Variants in PDE4D observed in about 807,000 individuals in gnomAD.
PDE4D encodes phosphodiesterase 4D.
A neutral mutation model predicts 87.4 loss-of-function variants in PDE4D; 24 were observed. The observed-to-expected ratio is 0.27, with a 90% confidence interval of 0.20 to 0.39. The LOEUF is 0.39. PDE4D is among the 10% of genes least tolerant of loss of function. The pLI is 1.00. For missense variants in PDE4D, 714 were observed against 1,041.0 expected (o/e 0.69, Z 4.32); for synonymous variants, 384 against 383.2 (o/e 1.00, Z -0.02).
chr5:60,234,788 G>A (rs1253431867), intron 1 of PDE4D, among the ~76,000 whole-genome samples: 1 of 151,800 alleles, frequency 6.6e-6, no homozygotes, highest in East Asian at 1.9e-4. Flanking sequence ...TATCTTTCCA[G>A]AAATTTGTAC....
chr5:60,204,801 T>C (rs1462994148), intron 1 of PDE4D, among the ~76,000 whole-genome samples: 1 of 152,214 alleles, frequency 6.6e-6, no homozygotes. Context: ...GATTAAGATG[T>C]CTATTCTACC....
At chr5:60,280,769 A>G (rs1583294160) in intron 1 of PDE4D, among the ~76,000 whole-genome samples, 1 of 152,214 alleles carries the variant, frequency 6.6e-6, no homozygotes, top group Non-Finnish European at 1.5e-5. Context: ...GTTGGTAAAC[A>G]TAAATAATAT....
chr5:59,618,972 T>G (rs1030998940), intron 1 of PDE4D, among the ~76,000 whole-genome samples: 1 of 152,108 alleles, frequency 6.6e-6, no homozygotes, highest in Non-Finnish European at 1.5e-5. Flanking sequence ...CTGTAAGAAA[T>G]GAGTTTCTGT....
chr5:60,257,911 G>A (rs1013358658), intron 1 of PDE4D, among the ~76,000 whole-genome samples: 11 of 151,918 alleles, frequency 7.2e-5, no homozygotes, highest in African/African-American at 2.4e-4. Flanking sequence ...AAACCATAGC[G>A]AGCTGTTGCG....
At chr5:59,067,031 T>G (rs1358491111) in intron 5 of PDE4D, among the ~76,000 whole-genome samples, 6 of 138,724 alleles carry the variant, frequency 4.3e-5, no homozygotes, top group African/African-American at 5.3e-5. Context: ...TTTATTTATT[T>G]AGAGAGAGAG....
chr5:60,502,446 A>C (rs1750127113), intron 1 of PDE4D, among the ~76,000 whole-genome samples: 1 of 152,200 alleles, frequency 6.6e-6, no homozygotes, highest in Non-Finnish European at 1.5e-5. Flanking sequence ...TGATGCCTCC[A>C]GCTTTGTTCT....
chr5:59,030,441 A>C (rs2153383930), intron 6 of PDE4D, among the ~76,000 whole-genome samples: 3 of 151,178 alleles, frequency 2.0e-5, no homozygotes, highest in Middle Eastern at 6.8e-3. Flanking sequence ...AAAAAAAAAA[A>C]AAAAACAATG....
chr5:60,303,845 C>T (rs1754174776), intron 1 of PDE4D, among the ~76,000 whole-genome samples: 1 of 152,120 alleles, frequency 6.6e-6, no homozygotes, highest in African/African-American at 2.4e-5. Context: ...TTCTGAATAT[C>T]TTTGTTAATT....
intron 1 of PDE4D, among the ~76,000 whole-genome samples, chr5:59,611,255 G>C (rs1347739007): frequency 6.6e-6 from 1 of 152,092 alleles, no homozygotes; most frequent in Non-Finnish European, 1.5e-5. Context: ...AGCTCACAAG[G>C]CTCAAGGGGA....
At chr5:59,259,830 T>G (rs1237796749) in intron 1 of PDE4D, among the ~76,000 whole-genome samples, 1 of 151,772 alleles carries the variant, frequency 6.6e-6, no homozygotes, top group Non-Finnish European at 1.5e-5. Context: ...GACCAATTAT[T>G]TTCTATTACT....
At chr5:60,093,289 T>A (rs935469840) in intron 2 of PDE4D, among the ~76,000 whole-genome samples, 1 of 152,204 alleles carries the variant, frequency 6.6e-6, no homozygotes, top group African/African-American at 2.4e-5. Flanking sequence ...AATTCTGCAA[T>A]ACCTAGATAT....
chr5:60,034,518 G>T (rs909187914), intron 2 of PDE4D, among the ~76,000 whole-genome samples: 4 of 152,088 alleles, frequency 2.6e-5, no homozygotes, highest in Middle Eastern at 3.4e-3. Context: ...CTCTTAAAAG[G>T]CCCCTTTATA....
intron 1 of PDE4D, among the ~76,000 whole-genome samples, chr5:59,627,950 T>C (rs1831091868): frequency 6.6e-6 from 1 of 152,194 alleles, no homozygotes; most frequent in Non-Finnish European, 1.5e-5. Context: ...TCTCAGTTCA[T>C]TGTCCTTAAA....
intron 4 of PDE4D, among the ~76,000 whole-genome samples, chr5:59,181,461 C>A (rs1391111666): frequency 6.7e-6 from 1 of 148,600 alleles, no homozygotes; most frequent in African/African-American, 2.5e-5. Context: ...TGAAATATAA[C>A]TTTATAAAGT....
At chr5:59,221,719 A>C (rs1412259711) in intron 1 of PDE4D, among the ~76,000 whole-genome samples, 1 of 151,060 alleles carries the variant, frequency 6.6e-6, no homozygotes, top group East Asian at 1.9e-4. Flanking sequence ...GTAGGGTGTA[A>C]AAAAGTCTTT....
intron 1 of PDE4D, among the ~76,000 whole-genome samples, chr5:60,261,697 A>T (rs558346380): frequency 3.7e-4 from 56 of 152,244 alleles, no homozygotes; most frequent in African/African-American, 1.0e-3. Context: ...ATGATTTTTT[A>T]AAAAAATCAA....
chr5:58,969,258 A>G lies in PDE4D; in HGVS notation c.*5406T>C, dbSNP rs1259711778. ...ACAGATAACAAAAACAAACACGTAT[A>G]TAAATCTGTGAGAAGTGTTATAAAG... On this transcript the variant is annotated 3_prime_UTR_variant, in exon 15 of 15. Transcript: ENST00000340635. 1 of 152,232 alleles carries G rather than the reference A, an allele frequency of 6.6e-6. No individual in the cohort carries two copies. Among genetic ancestry groups the G allele is most frequent in the Non-Finnish European group, 1.5e-5 (1 of 68,048 alleles). The allele number at this position is 152,232 out of a possible 1,614,324, so 9.4% of individuals were successfully genotyped here. A position where few individuals can be genotyped will look rare whatever the true frequency, so the allele number is the denominator to read the frequency against.
intron 1 of PDE4D, among the ~76,000 whole-genome samples, chr5:59,396,709 C>A (rs1275677447): frequency 8.5e-6 from 1 of 117,742 alleles, no homozygotes; most frequent in East Asian, 2.6e-4. Flanking sequence ...ATCAAAATGA[C>A]AGGATCAAAT....
intron 1 of PDE4D, among the ~76,000 whole-genome samples, chr5:60,219,276 ATTG>A (rs773509160): frequency 3.2e-4 from 49 of 152,144 alleles, no homozygotes; most frequent in Non-Finnish European, 4.6e-4. Flanking sequence ...TTCCTGGAGA[ATTG>A]TTGTTACAAT....
Sources: gnomAD v4.1 joint callset for allele counts (sites outside exome capture counted in the v4.1 genomes callset) on GRCh38, gnomAD v4.1.1 for gene constraint, MANE v1.5 for transcripts, NCBI Gene and HGNC (gene_info 2026-07-23, HGNC 2026-07-21) for gene names.